The following SMARCC1 variants were observed in gnomAD, a reference collection of about 807,000 sequenced individuals.
The protein encoded by SMARCC1 is SWI/SNF related BAF chromatin remodeling complex subunit C1.
In SMARCC1, 43 loss-of-function variants were observed where a neutral mutation model predicts 147.4. The observed-to-expected ratio is 0.29, with a 90% CI of 0.23 to 0.38. The LOEUF is 0.38. Ranked by LOEUF, SMARCC1 falls within the 10% of genes least tolerant of loss-of-function variation. The pLI is 1.00. For missense variants in SMARCC1, 1,119 were observed against 1,381.1 expected, an observed-to-expected ratio of 0.81 and a Z score of 3.01; for synonymous variants, 495 against 484.4, an observed-to-expected ratio of 1.02 and a Z score of -0.29.
At chr3:47,636,173 CA>C (rs1485529605) in intron 22 of SMARCC1, 37 bp from the exon 23 acceptor site, 9 of 1,134,674 alleles carry the variant, frequency 7.9e-6, no homozygotes, top group Non-Finnish European at 3.9e-6. Flanking sequence ...AGGCAGTGAA[CA>C]AAAAAACCCC....
rs2035049676 is a variant in SMARCC1 at position 47,781,629 on chromosome 3, C to A, written c.169G>T (p.Val57Phe). The A allele has an allele frequency of 6.4e-7, 1 of 1,555,078 alleles. No individual in the cohort carries two copies. Among genetic ancestry groups the A allele is most frequent in the Non-Finnish European group, 8.7e-7 (1 of 1,154,908 alleles). The stretch of plus-strand genomic sequence containing the variant: ...TTCTTGTAGTGCTTGCCCAGCCAGA[C>A]CCGCACCGAATCCAGCTGGGACACC... Reference protein sequence around the residue: ...ETVSQLDSVRVWLGKHYKKYV... With the variant: ...ETVSQLDSVRFWLGKHYKKYV... Residue 57 changes from valine to phenylalanine, a missense_variant, in exon 1 of 28, where the codon GTC becomes TTC. Val to Phe is a conservative substitution (Grantham distance 50, BLOSUM62 -1). Coordinates refer to ENST00000254480, the MANE Select transcript of SMARCC1 (RefSeq NM_003074.4).
rs531773236 is a variant in SMARCC1, at chr3:47,737,952, C to T, written c.483+77G>A. On this transcript the variant is annotated intron_variant, in intron 4 of 27. Coordinates refer to ENST00000254480, the MANE Select transcript of SMARCC1 (RefSeq NM_003074.4). ...TGCTGGGATTACAGGCATGAGCCAC[C>T]GCGCCTGGCCAGCCAATCTTAAAAC... 150 of 1,028,410 alleles carry T rather than the reference C, an allele frequency of 1.5e-4. No individual in the cohort carries two copies. In the South Asian group the frequency reaches 2.1e-3, roughly 14 times the overall value. 63.7% of individuals were successfully genotyped at this position (1,028,410 alleles called of 1,614,324 possible).
At chr3:47,663,640 A>T in intron 19 of SMARCC1, 1 of 1,511,246 alleles carries the variant, frequency 6.6e-7, no homozygotes, top group Non-Finnish European at 9.2e-7. Flanking sequence ...CTGTGATTCC[A>T]GAGGTCCCCT....
At chr3:47,745,038 C>A (rs1210016581) in intron 3 of SMARCC1, among the ~76,000 whole-genome samples, 1 of 152,042 alleles carries the variant, frequency 6.6e-6, no homozygotes, top group Non-Finnish European at 1.5e-5. Context: ...AAGGTCAAGG[C>A]AGGTAGATCG....
chr3:47,695,835 G>A (rs1311283516), intron 11 of SMARCC1, among the ~76,000 whole-genome samples: 2 of 143,908 alleles, frequency 1.4e-5, no homozygotes, highest in Non-Finnish European at 3.0e-5. Flanking sequence ...AGGCAGCTGA[G>A]GTGGGCAGAT....
In SMARCC1 at chr3:47,586,678, A is replaced by G. The variant is rs2032076535; in HGVS notation, c.*1531T>C. ...TGTAAAGCTTTAGAAAATATATAGA[A>G]AAAGATATCCAAAAGATGTCCACCT... On this transcript the variant is annotated 3_prime_UTR_variant, in exon 28 of 28. Transcript: ENST00000254480. 6.6e-6 allele frequency: 1 copy of G among 152,646 alleles called. No individual in the cohort carries two copies. Among genetic ancestry groups the G allele is most frequent in the African/African-American group, 2.4e-5 (1 of 41,458 alleles). The allele number at this position is 152,646 out of a possible 1,614,324, so 9.5% of individuals were successfully genotyped here.
chr3:47,683,135 C>T (rs887630658), intron 14 of SMARCC1, among the ~76,000 whole-genome samples: 2 of 152,198 alleles, frequency 1.3e-5, no homozygotes, highest in Non-Finnish European at 2.9e-5. Context: ...TTCCACCTCC[C>T]GGGTTCACGC....
intron 14 of SMARCC1, among the ~76,000 whole-genome samples, chr3:47,681,557 T>C (rs1428380800): frequency 6.6e-6 from 1 of 152,208 alleles, no homozygotes; most frequent in Non-Finnish European, 1.5e-5. Flanking sequence ...TGTTTCTTCC[T>C]GATGACATTT....
At chr3:47,739,886 T>C (rs1011866183) in intron 3 of SMARCC1, among the ~76,000 whole-genome samples, 1 of 152,170 alleles carries the variant, frequency 6.6e-6, no homozygotes, top group African/African-American at 2.4e-5. Flanking sequence ...TTTCATGTTG[T>C]TGTTGTTTTA....
intron 9 of SMARCC1, among the ~76,000 whole-genome samples, chr3:47,708,083 C>CTTTTTTTTTTTTTTTT (rs915291740): frequency 1.6e-5 from 1 of 64,270 alleles, no homozygotes; most frequent in African/African-American, 6.6e-5. Flanking sequence ...AATTTTTTTT[C>CTTTTTTTTTTTTTTTT]TTTTTTTTTT....
Position 47,585,928 on chromosome 3 carries a change from A to G in SMARCC1, c.*2281T>C, listed in dbSNP as rs2032064220. ...GTGTTCCATTTATTCACTGAAAAAG[A>G]GAGAGATTAGGCCTTCTTCATTCAT... is the stretch of plus-strand genomic sequence containing the variant. On this transcript the variant is annotated 3_prime_UTR_variant, in exon 28 of 28. Coordinates refer to ENST00000254480, the MANE Select transcript of SMARCC1 (RefSeq NM_003074.4). 6.6e-6 allele frequency: 1 copy of G among 152,650 alleles called. No homozygotes were observed. The highest frequency in any genetic ancestry group is 2.1e-4 in the South Asian group (1 of 4,832). The allele number at this position is 152,650 out of a possible 1,614,324, so 9.5% of individuals were successfully genotyped here.
chr3:47,781,512 G>C (rs866841548), intron 1 of SMARCC1, 91 bp downstream of exon 1: 68 of 888,898 alleles, frequency 7.6e-5, no homozygotes, highest in Middle Eastern at 3.2e-4. Context: ...TGGCGTGCGG[G>C]GGGGAGGGGC....
At chr3:47,760,211 G>A (rs34464659) in intron 2 of SMARCC1, among the ~76,000 whole-genome samples, 187 of 152,156 alleles carry the variant, frequency 1.2e-3, no homozygotes, top group South Asian at 2.1e-3. Flanking sequence ...CTACTTTAGA[G>A]GCTGAGGCAT....
chr3:47,668,654 G>A (rs2033454365), intron 19 of SMARCC1, among the ~76,000 whole-genome samples: 1 of 152,128 alleles, frequency 6.6e-6, no homozygotes, highest in Admixed American at 6.6e-5. Context: ...AATGCTGCCT[G>A]TGTGGTATAT....
intron 2 of SMARCC1, among the ~76,000 whole-genome samples, chr3:47,746,950 G>A (rs1278866574): frequency 6.6e-6 from 1 of 151,666 alleles, no homozygotes; most frequent in South Asian, 2.1e-4. Flanking sequence ...GGCTGGTCTC[G>A]AACTCCCAAC....
rs182894192 is a variant in SMARCC1 at position 47,736,606 on chromosome 3, G to A, written c.484-480C>T. ...CAGGAGAATGGCGTGAACCCGGGAG[G>A]TTGGAGCTTGCAGTGAGCCGAGATC... is the stretch of plus-strand genomic sequence containing the variant. On this transcript the variant is annotated intron_variant, in intron 4 of 27. Transcript: ENST00000254480. Among the ~76,000 whole-genome samples the A allele has an allele frequency of 3.1e-3, 476 of 151,242 alleles. 4 individuals are homozygous for A. Among genetic ancestry groups the A allele is most frequent in the Admixed American group, 5.4e-3 (82 of 15,132 alleles).
At chr3:47,656,425 A>G (rs1257725874) in intron 21 of SMARCC1, among the ~76,000 whole-genome samples, 1 of 152,228 alleles carries the variant, frequency 6.6e-6, no homozygotes, top group African/African-American at 2.4e-5. Flanking sequence ...TCTTCTACAG[A>G]TGAGATAATT....
At chr3:47,638,036 T>C (rs1252457298) in intron 22 of SMARCC1, among the ~76,000 whole-genome samples, 1 of 152,214 alleles carries the variant, frequency 6.6e-6, no homozygotes, top group East Asian at 1.9e-4. Flanking sequence ...TGTCATTCTC[T>C]CCTGGCACAA....
At chr3:47,744,124 T>A (rs945539996) in intron 3 of SMARCC1, among the ~76,000 whole-genome samples, 2 of 152,124 alleles carry the variant, frequency 1.3e-5, no homozygotes, top group Non-Finnish European at 2.9e-5. Flanking sequence ...CTACCTCTGA[T>A]AACAAAAAGA....
Sources: allele counts gnomAD v4.1 joint callset (sites outside exome capture counted in the v4.1 genomes callset), GRCh38; gene constraint gnomAD v4.1.1; transcripts MANE v1.5; gene names NCBI Gene and HGNC (gene_info 2026-07-23, HGNC 2026-07-21).